WDR41: variants seen among roughly 807,000 people sequenced by gnomAD.
WDR41 encodes the protein WD repeat domain 41.
Under a neutral mutation model 69.3 loss-of-function variants are expected in WDR41, and 63 were observed. The ratio of observed to expected loss-of-function variants is 0.91; its 90% CI spans 0.74 to 1.12. The LOEUF is 1.12. WDR41 is among the 50% of genes most tolerant of loss of function. WDR41 has a pLI of 0.00. For missense variants in WDR41, 543 were observed against 534.5 expected (o/e 1.02, Z -0.16); for synonymous variants, 185 against 192.1 (o/e 0.96, Z 0.31).
rs748449005 is a variant in WDR41, at chr5:77,432,840, T to C, written c.*295A>G. The C allele has an allele frequency of 6.2e-4, 151 of 245,004 alleles. No individual in the cohort carries two copies. Among genetic ancestry groups the C allele is most frequent in the Middle Eastern group, 1.3e-3 (1 of 778 alleles). The allele number at this position is 245,004 out of a possible 1,614,324, so 15.2% of individuals were successfully genotyped here. ...CCATAACTTAACTATTACCTCTATT[T>C]GTACCTTTCACAAGGATCTAGGTTC... On this transcript the variant is annotated 3_prime_UTR_variant, in exon 13 of 13. Transcript: ENST00000296679.
rs750741008 is a variant in WDR41 at position 77,489,585 on chromosome 5, A to G, written c.52-13T>C. 47 of 1,498,130 alleles carry G rather than the reference A, an allele frequency of 3.1e-5. No homozygotes were observed. The highest frequency in any genetic ancestry group is 9.3e-5 in the East Asian group (4 of 43,240). 92.8% of individuals were successfully genotyped at this position (1,498,130 alleles called of 1,614,324 possible). A position where few individuals can be genotyped will look rare whatever the true frequency, so the allele number is the denominator to read the frequency against. On this transcript the variant is annotated splice_polypyrimidine_tract_variant and intron_variant, in intron 1 of 12. Coordinates refer to ENST00000296679, the MANE Select transcript of WDR41 (RefSeq NM_018268.4). ...GTAAAGGAGATTTCTTGTATTGAAA[A>G]AAAAAAAAAAGCAAAAAACAAAAGA...
chr5:77,516,827 A>G (rs1802297599), intron 1 of WDR41, among the ~76,000 whole-genome samples: 1 of 152,030 alleles, frequency 6.6e-6, no homozygotes, highest in Non-Finnish European at 1.5e-5. Flanking sequence ...GACCATCCTG[A>G]TTAACAGGGC....
chr5:77,537,370 G>A (rs928621939), intron 1 of WDR41, among the ~76,000 whole-genome samples: 9 of 152,204 alleles, frequency 5.9e-5, no homozygotes, highest in South Asian at 2.1e-4. Context: ...TGGGGAATCC[G>A]ACCATGTTTG....
intron 1 of WDR41, among the ~76,000 whole-genome samples, chr5:77,547,651 A>T (rs976196585): frequency 6.6e-6 from 1 of 152,150 alleles, no homozygotes; most frequent in South Asian, 2.1e-4. Flanking sequence ...ACAAATGGAA[A>T]CACAGTCCAT....
chr5:77,505,961 C>T (rs1802098402), intron 1 of WDR41, among the ~76,000 whole-genome samples: 1 of 152,154 alleles, frequency 6.6e-6, no homozygotes, highest in Non-Finnish European at 1.5e-5. Flanking sequence ...CAATACCATT[C>T]AGGACATAGG....
At chr5:77,470,975 T>G (rs1371368091) in intron 2 of WDR41, among the ~76,000 whole-genome samples, 1 of 152,170 alleles carries the variant, frequency 6.6e-6, no homozygotes, top group Non-Finnish European at 1.5e-5. Context: ...GAATATACAT[T>G]CTTCTCAGCA....
intron 12 of WDR41, among the ~76,000 whole-genome samples, chr5:77,435,791 C>A (rs990074196): frequency 6.6e-6 from 1 of 152,144 alleles, no homozygotes; most frequent in Non-Finnish European, 1.5e-5. Context: ...CATATTTGCA[C>A]AATGAAAATC....
intron 1 of WDR41, among the ~76,000 whole-genome samples, chr5:77,552,532 C>A (rs924212973): frequency 2.0e-5 from 3 of 152,078 alleles, no homozygotes; most frequent in African/African-American, 7.2e-5. Flanking sequence ...TAGACCGAGG[C>A]AAGCTTATGC....
intron 1 of WDR41, among the ~76,000 whole-genome samples, chr5:77,590,827 C>A (rs1744123934): frequency 6.6e-6 from 1 of 152,104 alleles, no homozygotes; most frequent in African/African-American, 2.4e-5. Context: ...TGTATTTTTC[C>A]TTTCTTGTAT....
chr5:77,446,308 T>C (rs1799377292), intron 8 of WDR41, among the ~76,000 whole-genome samples: 1 of 152,148 alleles, frequency 6.6e-6, no homozygotes, highest in Non-Finnish European at 1.5e-5. Context: ...TTCATCCTCA[T>C]AGATAGGAAG....
intron 1 of WDR41, among the ~76,000 whole-genome samples, chr5:77,590,106 A>G (rs574990681): frequency 6.8e-4 from 103 of 152,118 alleles, no homozygotes; most frequent in African/African-American, 2.3e-3. Flanking sequence ...CTTTTATTCT[A>G]TGAATTTTAT....
rs147214386 is a variant in WDR41 at position 77,532,212 on chromosome 5, C to A, written c.43-42640G>T. ...AGTTAATGATAGAATTCAGGTAGTG[C>A]GTATACAGGTGTTCACTGAAATCTT... On this transcript the variant is annotated intron_variant, in intron 1 of 5. Coordinates refer to the WDR41 transcript ENST00000509971. Among the ~76,000 whole-genome samples the A allele has an allele frequency of 3.3e-3, 504 of 152,072 alleles. 9 individuals carry two copies. Among genetic ancestry groups the A allele is most frequent in the African/African-American group, 0.012 (485 of 41,526 alleles).
chr5:77,492,089 G>T lies in WDR41; in HGVS notation c.51+81C>A, dbSNP rs1801824713. ...GCCTCCGCCCGGGTCCCCGCGGTCG[G>T]AACCCAGGAAGGCCGAACCGGAACG... On this transcript the variant is annotated intron_variant, in intron 1 of 12. Transcript: ENST00000296679. The T allele has an allele frequency of 4.5e-6, 7 of 1,547,774 alleles. No homozygotes were observed. In the Admixed American group the frequency reaches 1.1e-4, roughly 23 times the overall value.
intron 9 of WDR41, 95 bp downstream of exon 9, chr5:77,440,718 C>A: frequency 8.1e-7 from 1 of 1,230,292 alleles, no homozygotes; most frequent in East Asian, 2.5e-5. Flanking sequence ...TGAATGATAC[C>A]TTTTTTATGT....
At chr5:77,538,601 C>T (rs986755459) in intron 1 of WDR41, among the ~76,000 whole-genome samples, 11 of 152,178 alleles carry the variant, frequency 7.2e-5, no homozygotes, top group African/African-American at 2.4e-4. Context: ...TGATGGCCAC[C>T]AGCTACATCC....
intron 1 of WDR41, among the ~76,000 whole-genome samples, chr5:77,513,898 A>C (rs151145152): frequency 2.0e-5 from 3 of 150,992 alleles, no homozygotes; most frequent in Non-Finnish European, 4.4e-5. Context: ...CCCTATGCAC[A>C]TGTCCACAGA....
intron 1 of WDR41, among the ~76,000 whole-genome samples, chr5:77,540,798 G>T (rs968622079): frequency 2.6e-5 from 4 of 152,118 alleles, no homozygotes; most frequent in African/African-American, 4.8e-5. Flanking sequence ...TCAAACTGCT[G>T]TATTCCAACA....
At chr5:77,447,728 G>A (rs1799441514) in intron 8 of WDR41, among the ~76,000 whole-genome samples, 1 of 152,116 alleles carries the variant, frequency 6.6e-6, no homozygotes, top group African/African-American at 2.4e-5. Context: ...GAGAACATAT[G>A]GACACAGAGA....
Position 77,473,161 on chromosome 5 carries a change from T to C in WDR41, c.168-8352A>G, listed in dbSNP as rs575782062. On this transcript the variant is annotated intron_variant, in intron 2 of 12. Transcript: ENST00000296679. ...GCCGCATATCTACAACCATCTGATC[T>C]TTGACAAACCTGACAAAAACAAGAA... Among the ~76,000 whole-genome samples the C allele has an allele frequency of 3.3e-3, 499 of 152,334 alleles. 4 individuals carry two copies. Among genetic ancestry groups the C allele is most frequent in the African/African-American group, 0.011 (461 of 41,572 alleles).
Sources: allele counts gnomAD v4.1 joint callset (sites outside exome capture counted in the v4.1 genomes callset), GRCh38; gene constraint gnomAD v4.1.1; transcripts MANE v1.5; gene names NCBI Gene and HGNC (gene_info 2026-07-23, HGNC 2026-07-21).